PSMA1: variants seen among roughly 807,000 people sequenced by gnomAD.
The protein encoded by PSMA1 is proteasome 20S subunit alpha 1.
A neutral mutation model predicts 38.4 loss-of-function variants in PSMA1; 3 were observed. The observed-to-expected ratio is 0.08, with a 90% CI of 0.04 to 0.20. PSMA1 has a LOEUF of 0.20. Among genes scored for constraint, PSMA1 ranks in the 10% least tolerant of loss-of-function variants. The pLI is 1.00. For missense variants in PSMA1, 227 were observed against 325.3 expected (o/e 0.70, Z 2.32); for synonymous variants, 101 against 107.1 (o/e 0.94, Z 0.35).
intron 2 of PSMA1, among the ~76,000 whole-genome samples, chr11:14,527,928 T>TA (rs1465514538): frequency 6.6e-6 from 1 of 152,102 alleles, no homozygotes; most frequent in Non-Finnish European, 1.5e-5. Flanking sequence ...CTTTTATACT[T>TA]ACTCTTATTC....
At position 14,556,920 on chromosome 11, in the gene PSMA1, C is replaced by T. The variant is rs190505215; in HGVS notation, c.22-37879G>A. 1.0e-3 allele frequency among the ~76,000 whole-genome samples: 158 copies of T among 152,298 alleles called. 1 individual carries two copies. Among genetic ancestry groups the T allele is most frequent in the Non-Finnish European group, 1.7e-3 (117 of 68,028 alleles). ...GAGCAATCATGGCTCACTGTCGCCTCCAACTCCTGGGCTCAAGCAATCCTT... is the reference window on the plus strand; with the variant it reads ...GAGCAATCATGGCTCACTGTCGCCTTCAACTCCTGGGCTCAAGCAATCCTT... On this transcript the variant is annotated intron_variant, in intron 2 of 10. Coordinates refer to the PSMA1 transcript ENST00000418988.
intron 2 of PSMA1, among the ~76,000 whole-genome samples, chr11:14,556,271 G>C (rs1378729942): frequency 2.0e-5 from 3 of 152,170 alleles, no homozygotes; most frequent in African/African-American, 7.2e-5. Context: ...CATTGCACTT[G>C]AGTGAAAGTC....
intron 2 of PSMA1, among the ~76,000 whole-genome samples, chr11:14,562,041 G>T (rs1160380521): frequency 6.6e-6 from 1 of 152,164 alleles, no homozygotes; most frequent in African/African-American, 2.4e-5. Flanking sequence ...GAAAACCAAA[G>T]ATTCATATTT....
chr11:14,506,525 G>A (rs1274672299), intron 9 of PSMA1, among the ~76,000 whole-genome samples: 1 of 151,500 alleles, frequency 6.6e-6, no homozygotes, highest in Non-Finnish European at 1.5e-5. Flanking sequence ...CAATTACACT[G>A]CTATCAAATA....
chr11:14,541,377 T>C (rs1183461769), intron 2 of PSMA1, among the ~76,000 whole-genome samples: 1 of 152,200 alleles, frequency 6.6e-6, no homozygotes, highest in East Asian at 1.9e-4. Flanking sequence ...TCACCTAAGG[T>C]AAAACTAGAC....
At chr11:14,584,491 G>GTTT (rs1442575192) in intron 2 of PSMA1, among the ~76,000 whole-genome samples, 9 of 134,086 alleles carry the variant, frequency 6.7e-5, no homozygotes, top group African/African-American at 2.1e-4. Flanking sequence ...GGTTTGGAGT[G>GTTT]TTTTTTTTGT....
chr11:14,595,160 G>A (rs1406247726), intron 2 of PSMA1, among the ~76,000 whole-genome samples: 2 of 152,130 alleles, frequency 1.3e-5, no homozygotes, highest in East Asian at 1.9e-4. Context: ...TATCATTGAT[G>A]GACATTTGGG....
At chr11:14,634,190 TC>T (rs762193139) in intron 1 of PSMA1, among the ~76,000 whole-genome samples, 1 of 151,644 alleles carries the variant, frequency 6.6e-6, no homozygotes, top group Admixed American at 6.6e-5. Flanking sequence ...CCCAAAATCA[TC>T]CCCCCCGGTC....
intron 2 of PSMA1, among the ~76,000 whole-genome samples, chr11:14,569,045 G>A (rs1048284369): frequency 6.6e-6 from 1 of 152,186 alleles, no homozygotes; most frequent in Non-Finnish European, 1.5e-5. Flanking sequence ...ATGCCCTGGA[G>A]ACATTTTCCC....
intron 2 of PSMA1, among the ~76,000 whole-genome samples, chr11:14,535,458 T>C (rs1276579148): frequency 2.0e-5 from 3 of 151,686 alleles, no homozygotes; most frequent in Admixed American, 6.6e-5. Context: ...TTTTTTTTTT[T>C]TTGAGACGGA....
rs781195772 is a variant in PSMA1, at chr11:14,504,955, A to G, written c.*237T>C. The G allele has an allele frequency of 3.0e-5, 14 of 470,552 alleles. No individual in the cohort carries two copies. Among genetic ancestry groups the G allele is most frequent in the Non-Finnish European group, 5.3e-5 (14 of 262,702 alleles). The allele number at this position is 470,552 out of a possible 1,614,324, so 29.1% of individuals were successfully genotyped here. On this transcript the variant is annotated 3_prime_UTR_variant, in exon 10 of 10. Coordinates refer to ENST00000396394, the MANE Select transcript of PSMA1 (RefSeq NM_002786.4). ...CCTATGTTCTTCATATAAAAACATT[A>G]GTATAGATACCCATACTTTCTAGAA... is the stretch of plus-strand genomic sequence containing the variant.
At chr11:14,627,073 C>T (rs887813359) in intron 1 of PSMA1, among the ~76,000 whole-genome samples, 3 of 152,272 alleles carry the variant, frequency 2.0e-5, no homozygotes, top group Admixed American at 1.3e-4. Context: ...TCCCTGGTGT[C>T]TCTTCCTCTT....
chr11:14,612,470 A>G (rs755853333), intron 1 of PSMA1, among the ~76,000 whole-genome samples: 4 of 152,154 alleles, frequency 2.6e-5, no homozygotes, highest in Non-Finnish European at 5.9e-5. Context: ...AACAGGAAAG[A>G]GACATTTAAT....
At chr11:14,637,145 T>C (rs1438451972) in intron 1 of PSMA1, among the ~76,000 whole-genome samples, 2 of 152,164 alleles carry the variant, frequency 1.3e-5, no homozygotes, top group Non-Finnish European at 2.9e-5. Flanking sequence ...CACCTATCTA[T>C]CCAGTCTCAT....
chr11:14,518,865 TA>T, intron 2 of PSMA1, 131 bp downstream of exon 2: 1 of 723,540 alleles, frequency 1.4e-6, no homozygotes, highest in Non-Finnish European at 2.2e-6. Context: ...ATTTTAATTA[TA>T]AATGCAACTT....
chr11:14,599,631 C>G (rs538813313), intron 2 of PSMA1, among the ~76,000 whole-genome samples: 1 of 152,258 alleles, frequency 6.6e-6, no homozygotes, highest in Non-Finnish European at 1.5e-5. Context: ...TTCTAGTTAG[C>G]CATTTGTCTA....
rs1458222074 is a variant in PSMA1 at position 14,534,420 on chromosome 11, T to TA, written c.22-15380dup. ...TATTTGACTAATATTTGATAGCCTT[T>TA]AAACAGCTTGCTTTAAACTAGCCTT... is the stretch of plus-strand genomic sequence containing the variant. On this transcript the variant is annotated intron_variant, in intron 2 of 10. Coordinates refer to the PSMA1 transcript ENST00000418988. The surrounding 1 kb of genome is among the most constrained non-coding windows in gnomAD (Gnocchi z 4.5). Among the ~76,000 whole-genome samples the TA allele has an allele frequency of 1.7e-4, 26 of 152,330 alleles. No individual in the cohort carries two copies. Among genetic ancestry groups the TA allele is most frequent in the African/African-American group, 6.3e-4 (26 of 41,580 alleles).
At chr11:14,589,383 G>A (rs933825436) in intron 2 of PSMA1, among the ~76,000 whole-genome samples, 24 of 149,988 alleles carry the variant, frequency 1.6e-4, no homozygotes, top group African/African-American at 2.5e-4. Context: ...GTGTGTGTGT[G>A]TATATATATG....
intron 2 of PSMA1, among the ~76,000 whole-genome samples, chr11:14,574,713 A>G (rs1476614233): frequency 6.6e-6 from 1 of 152,128 alleles, no homozygotes; most frequent in African/African-American, 2.4e-5. Flanking sequence ...CATGTCAAGA[A>G]AGACATGTTT....
Sources: allele counts gnomAD v4.1 joint callset (sites outside exome capture counted in the v4.1 genomes callset), GRCh38; gene constraint gnomAD v4.1.1; non-coding constraint Gnocchi (gnomAD v3.1); transcripts MANE v1.5; gene names NCBI Gene and HGNC (gene_info 2026-07-23, HGNC 2026-07-21).